DLGAP1: variants seen among roughly 807,000 people sequenced by gnomAD.
The protein encoded by DLGAP1 is disks large-associated protein 1.
A neutral mutation model predicts 90.8 loss-of-function variants in DLGAP1; 11 were observed. That is an observed-to-expected ratio of 0.12 (90% confidence interval 0.08 to 0.20). DLGAP1 has a LOEUF of 0.20. Among genes scored for constraint, DLGAP1 ranks in the 10% least tolerant of loss-of-function variants. The pLI, the probability that DLGAP1 is intolerant of heterozygous loss-of-function variation, is 1.00. For missense variants in DLGAP1, 1,050 were observed against 1,333.8 expected (o/e 0.79, Z 3.31); for synonymous variants, 558 against 540.7 (o/e 1.03, Z -0.44).
intron 1 of DLGAP1, among the ~76,000 whole-genome samples, chr18:4,269,354 A>ATTTTTTTT (rs202021108): frequency 1.5e-5 from 2 of 132,124 alleles, no homozygotes; most frequent in African/African-American, 2.9e-5. Flanking sequence ...ATATATATAT[A>ATTTTTTTT]TTTTTTTTTT....
chr18:4,170,829 A>G (rs891988556), intron 1 of DLGAP1, among the ~76,000 whole-genome samples: 7 of 152,178 alleles, frequency 4.6e-5, no homozygotes, highest in African/African-American at 1.7e-4. Flanking sequence ...GAAAAAGAGT[A>G]TTAGTGTTCA....
intron 7 of DLGAP1, among the ~76,000 whole-genome samples, chr18:3,677,654 T>C (rs1327752141): frequency 6.6e-6 from 1 of 151,886 alleles, no homozygotes. Context: ...TTGCTCTCTT[T>C]TTCTTTTTTC....
intron 6 of DLGAP1, among the ~76,000 whole-genome samples, chr18:3,741,782 T>C (rs551568889): frequency 6.6e-6 from 1 of 152,320 alleles, no homozygotes; most frequent in South Asian, 2.1e-4. Flanking sequence ...AGATTAGTTA[T>C]CCTATGTCAA....
intron 1 of DLGAP1, among the ~76,000 whole-genome samples, chr18:4,287,857 A>C: frequency 6.6e-6 from 1 of 152,014 alleles, no homozygotes; most frequent in Non-Finnish European, 1.5e-5. Flanking sequence ...TAATAATAAG[A>C]AAAATTTTAA....
Position 3,704,394 on chromosome 18 carries a change from A to C in DLGAP1, c.1591+24741T>G, listed in dbSNP as rs570596133. 1.4e-3 allele frequency among the ~76,000 whole-genome samples: 208 copies of C among 152,162 alleles called. 7 individuals are homozygous for C. The South Asian group carries it at 0.043, about 31-fold the overall frequency. On this transcript the variant is annotated intron_variant, in intron 7 of 12. Coordinates refer to ENST00000315677, the MANE Select transcript of DLGAP1 (RefSeq NM_004746.4). ...GAGACCAGCCTGGACAACATGGTGAAACCCTGTCTCTACTAAAAATACAAA... is the reference window on the plus strand; with the variant it reads ...GAGACCAGCCTGGACAACATGGTGACACCCTGTCTCTACTAAAAATACAAA...
chr18:4,239,924 T>C (rs186534552), intron 1 of DLGAP1, among the ~76,000 whole-genome samples: 81 of 152,346 alleles, frequency 5.3e-4, no homozygotes, highest in South Asian at 1.5e-3. Context: ...CTACTTAATA[T>C]AATTTCCTCC....
At chr18:3,714,580 A>C (rs1047415769) in intron 7 of DLGAP1, among the ~76,000 whole-genome samples, 8 of 151,412 alleles carry the variant, frequency 5.3e-5, no homozygotes, top group African/African-American at 1.9e-4. Context: ...CCTGTTGCAC[A>C]CATTCAGCTT....
At chr18:3,737,269 G>T (rs535755913) in intron 6 of DLGAP1, among the ~76,000 whole-genome samples, 115 of 152,298 alleles carry the variant, frequency 7.6e-4, no homozygotes, top group African/African-American at 2.4e-3. Context: ...TAACTCATTT[G>T]ATGAGGCCAG....
intron 3 of DLGAP1, among the ~76,000 whole-genome samples, chr18:3,886,584 A>G (rs1444188591): frequency 6.6e-6 from 1 of 151,644 alleles, no homozygotes; most frequent in Non-Finnish European, 1.5e-5. Context: ...CCTTAGCAAC[A>G]CCTCTCAACT....
chr18:3,746,405 G>C (rs2063272244), intron 5 of DLGAP1, among the ~76,000 whole-genome samples: 1 of 152,104 alleles, frequency 6.6e-6, no homozygotes, highest in Non-Finnish European at 1.5e-5. Context: ...ATATGGTAGA[G>C]AAAGACTTTA....
intron 7 of DLGAP1, among the ~76,000 whole-genome samples, chr18:3,622,144 G>A (rs1037608922): frequency 1.3e-5 from 2 of 150,720 alleles, no homozygotes; most frequent in African/African-American, 4.9e-5. Flanking sequence ...TCGCTCTGTC[G>A]CCCAGGCTAG....
At chr18:4,043,026 A>G (rs986727017) in intron 2 of DLGAP1, among the ~76,000 whole-genome samples, 1 of 152,212 alleles carries the variant, frequency 6.6e-6, no homozygotes, top group Non-Finnish European at 1.5e-5. Flanking sequence ...TCCAACCACT[A>G]AAAAATGTTT....
intron 1 of DLGAP1, among the ~76,000 whole-genome samples, chr18:4,399,781 A>T (rs1490441474): frequency 5.3e-5 from 8 of 152,162 alleles, no homozygotes; most frequent in Admixed American, 1.3e-4. Context: ...AATGAAGAAG[A>T]ATATCCCTCA....
At chr18:4,336,423 T>C (rs181248716) in intron 1 of DLGAP1, among the ~76,000 whole-genome samples, 2 of 152,272 alleles carry the variant, frequency 1.3e-5, no homozygotes, top group African/African-American at 2.4e-5. Context: ...TAGAAAAATA[T>C]AGACGAGTGA....
intron 2 of DLGAP1, among the ~76,000 whole-genome samples, chr18:4,073,979 T>C (rs922859506): frequency 1.3e-5 from 2 of 152,294 alleles, no homozygotes; most frequent in East Asian, 3.9e-4. Context: ...GATGAAGACA[T>C]TGGAGAACAT....
chr18:3,501,948 TGAA>T (rs2049960344), intron 12 of DLGAP1, among the ~76,000 whole-genome samples: 1 of 107,532 alleles, frequency 9.3e-6, no homozygotes. Context: ...AAAACTGTTT[TGAA>T]AAAAAAAAAA....
intron 7 of DLGAP1, chr18:3,593,955 T>A (rs1230161143): frequency 6.7e-6 from 1 of 148,326 alleles, no homozygotes; most frequent in African/African-American, 2.5e-5. Context: ...TTTTGCACAG[T>A]GCATGTACTG....
chr18:3,690,332 C>A (rs1442185469), intron 7 of DLGAP1, among the ~76,000 whole-genome samples: 1 of 152,008 alleles, frequency 6.6e-6, no homozygotes. Context: ...AGCGATCTGT[C>A]CCCTACGGCC....
intron 2 of DLGAP1, among the ~76,000 whole-genome samples, chr18:4,130,825 A>G (rs576499372): frequency 3.9e-5 from 6 of 152,302 alleles, no homozygotes; most frequent in Admixed American, 2.0e-4. Context: ...AATGGAGGAC[A>G]GAGGAGGCAG....
Sources: gnomAD v4.1 joint callset for allele counts (sites outside exome capture counted in the v4.1 genomes callset) on GRCh38, gnomAD v4.1.1 for gene constraint, MANE v1.5 for transcripts, NCBI Gene and HGNC (gene_info 2026-07-23, HGNC 2026-07-21) for gene names.